Variants in MAGT1 observed in about 807,000 individuals in gnomAD.
The protein encoded by MAGT1 is dolichyl-diphosphooligosaccharide--protein glycosyltransferase subunit MAGT1.
A neutral mutation model predicts 28.4 loss-of-function variants in MAGT1; 4 were observed. The ratio of observed to expected loss-of-function variants is 0.14; its 90% confidence interval spans 0.07 to 0.32. The LOEUF is 0.32. MAGT1 is among the 10% of genes least tolerant of loss of function. The pLI is 1.00. For synonymous variants in MAGT1, 89 were observed against 89.7 expected (o/e 0.99, Z 0.04); for missense variants, 193 against 264.5 (o/e 0.73, Z 1.88).
intron 7 of MAGT1, among the ~76,000 whole-genome samples, chrX:77,841,622 C>T (rs1557214405): frequency 9.0e-6 from 1 of 110,601 alleles, no homozygotes; most frequent in African/African-American, 3.3e-5. Context: ...TTGAAATAAC[C>T]TGTCTGGACA....
intron 1 of MAGT1, among the ~76,000 whole-genome samples, chrX:77,878,419 G>C (rs2077042054): frequency 1.0e-5 from 1 of 97,978 alleles, no homozygotes; most frequent in Non-Finnish European, 2.0e-5. Flanking sequence ...GTTGCAGTGA[G>C]CTGAGATCAC....
intron 1 of MAGT1, among the ~76,000 whole-genome samples, chrX:77,878,289 C>CAAAAAAAAAAAAAAAA (rs1205547369): frequency 6.6e-5 from 1 of 15,072 alleles, no homozygotes; most frequent in Non-Finnish European, 1.1e-4. Flanking sequence ...AACTCTGATG[C>CAAAAAAAAAAAAAAAA]AAAAAAAAAA....
At chrX:77,879,835 C>CATT (rs1557218236) in intron 1 of MAGT1, among the ~76,000 whole-genome samples, 2 of 73,183 alleles carry the variant, frequency 2.7e-5, no homozygotes, top group Non-Finnish European at 4.9e-5. Flanking sequence ...CATGATTTGC[C>CATT]TTTTTTTTTT....
intron 1 of MAGT1, among the ~76,000 whole-genome samples, chrX:77,889,897 T>G (rs2077077728): frequency 8.9e-6 from 1 of 112,198 alleles, no homozygotes; most frequent in Non-Finnish European, 1.9e-5. Flanking sequence ...ATGTTTTTTG[T>G]TTTTTGTTTG....
chrX:77,865,232 T>C (rs1661441406), intron 3 of MAGT1, among the ~76,000 whole-genome samples: 3 of 112,093 alleles, frequency 2.7e-5, no homozygotes, highest in African/African-American at 6.5e-5. Flanking sequence ...TGCTTAGCAC[T>C]GATAGCTACA....
At chrX:77,859,364 A>C (rs782163678) in intron 3 of MAGT1, among the ~76,000 whole-genome samples, 1 of 112,289 alleles carries the variant, frequency 8.9e-6, no homozygotes, top group East Asian at 2.8e-4. Context: ...TTATTCATAT[A>C]TATGTTTATA....
chrX:77,859,686 G>A (rs1324597326), intron 3 of MAGT1, among the ~76,000 whole-genome samples: 2 of 111,568 alleles, frequency 1.8e-5, no homozygotes, highest in Admixed American at 1.9e-4. Flanking sequence ...GGCCAACATG[G>A]TAAAACCCCA....
chrX:77,895,319 C>G lies in MAGT1; in HGVS notation c.92G>C (p.Arg31Thr), dbSNP rs1557219805. ...VCDVPSASAQ[R>T]KKEMVLSEKV... is the part of the protein sequence containing the mutation. The stretch of plus-strand genomic sequence containing the variant: ...AAACCGCGTTCTCACCTCCTTCTTT[C>G]TTTGGGCAGAGGCTGAGGGAACGTC... The change falls in exon 1 of 10, where the codon AGA (arginine) becomes ACA (threonine). Residue 31 changes from arginine (R) to threonine (T), a missense_variant. Physicochemically the swap from Arg to Thr is moderately conservative, Grantham distance 71. Coordinates refer to ENST00000618282, the MANE Select transcript of MAGT1 (RefSeq NM_001367916.1). 3.3e-6 allele frequency: 4 copies of G among 1,212,268 alleles called. No homozygotes were observed. The highest frequency in any genetic ancestry group is 2.2e-5 in the Admixed American group (1 of 46,093).
chrX:77,846,499 G>A (rs1339698045), intron 7 of MAGT1, among the ~76,000 whole-genome samples: 2 of 112,100 alleles, frequency 1.8e-5, no homozygotes, highest in African/African-American at 6.5e-5. Context: ...TTTGGAGGAG[G>A]AGAGGCACTC....
chrX:77,853,757 T>C (rs1419476920), intron 7 of MAGT1, 144 bp downstream of exon 7: 2 of 526,798 alleles, frequency 3.8e-6, no homozygotes, highest in Admixed American at 5.7e-5. Context: ...TTTATTGGGC[T>C]GGAGAGGATG....
intron 7 of MAGT1, among the ~76,000 whole-genome samples, chrX:77,844,953 A>T (rs1480610595): frequency 9.0e-6 from 1 of 111,316 alleles, no homozygotes; most frequent in East Asian, 2.8e-4. Context: ...GTAGATGTCT[A>T]TTAGGTCCGC....
In MAGT1 at chrX:77,841,679, C is replaced by CA. The variant is rs2076935092; in HGVS notation, c.827-360_827-359insT. ...AAACACATTTAAAAATATTAAATGG[C>CA]TTTTTTTTTTTTTTGAGACAGGGTC... On this transcript the variant is annotated intron_variant, in intron 7 of 9. Transcript: ENST00000618282. Among the ~76,000 whole-genome samples the CA allele has an allele frequency of 4.1e-5, 4 of 98,269 alleles. No homozygotes were observed. The South Asian group carries it at 1.8e-3, about 45-fold the overall frequency. 85.3% of individuals were successfully genotyped at this position (98,269 alleles called of 115,157 possible).
At chrX:77,855,735 C>T (rs2076979819) in intron 5 of MAGT1, 145 bp from the exon 6 acceptor site, 1 of 427,315 alleles carries the variant, frequency 2.3e-6, no homozygotes, top group Admixed American at 4.2e-5. Flanking sequence ...ATATTTCATC[C>T]CAAGGATCAC....
At position 77,867,206 on chromosome X, in the gene MAGT1, G is replaced by A. The variant is rs782143175; in HGVS notation, c.390+3602C>T. 1.3e-4 allele frequency among the ~76,000 whole-genome samples: 9 copies of A among 66,879 alleles called. 1 individual carries two copies. Among genetic ancestry groups the A allele is most frequent in the African/African-American group, 2.4e-4 (7 of 28,839 alleles). The allele number at this position is 66,879 out of a possible 115,157, so 58.1% of individuals were successfully genotyped here. A position where few individuals can be genotyped will look rare whatever the true frequency, so the allele number is the denominator to read the frequency against. On this transcript the variant is annotated intron_variant, in intron 3 of 9. Coordinates refer to ENST00000618282, the MANE Select transcript of MAGT1 (RefSeq NM_001367916.1). ...CAGCAGCAAAGTGAACCCCTTGGGC[G>A]GTTACACAGTCTCCCTCCACAGCAA...
intron 2 of MAGT1, among the ~76,000 whole-genome samples, chrX:77,873,977 T>C (rs921598366): frequency 9.1e-6 from 1 of 109,333 alleles, no homozygotes; most frequent in Non-Finnish European, 1.9e-5. Context: ...TGAGATCCCA[T>C]GCATCTTTTT....
intron 7 of MAGT1, among the ~76,000 whole-genome samples, chrX:77,844,578 G>A (rs782699074): frequency 1.8e-5 from 2 of 110,714 alleles, no homozygotes; most frequent in East Asian, 5.6e-4. Context: ...TCTCTTGTGG[G>A]CATTTAGTGC....
intron 7 of MAGT1, among the ~76,000 whole-genome samples, chrX:77,852,353 T>C (rs2076970928): frequency 8.9e-6 from 1 of 112,310 alleles, no homozygotes. Context: ...TTTTCCCAAA[T>C]ATCCTTCAAT....
rs1306801308 is a variant in MAGT1, at chrX:77,825,787, C to T, written c.*3433G>A. Among the ~76,000 whole-genome samples the T allele has an allele frequency of 8.9e-6, 1 of 112,464 alleles. No individual in the cohort carries two copies. Among genetic ancestry groups the T allele is most frequent in the East Asian group, 2.8e-4 (1 of 3,617 alleles). On this transcript the variant is annotated 3_prime_UTR_variant, in exon 10 of 10. Transcript: ENST00000618282. ...ATCTTTAATATTTTGCATAATAGAACAATAGAGCAGGAAGGACTACTAAGG... is the reference window on the plus strand; with the variant it reads ...ATCTTTAATATTTTGCATAATAGAATAATAGAGCAGGAAGGACTACTAAGG...
intron 8 of MAGT1, among the ~76,000 whole-genome samples, chrX:77,835,591 T>C (rs1476082212): frequency 3.6e-5 from 4 of 111,590 alleles, no homozygotes; most frequent in Non-Finnish European, 7.5e-5. Flanking sequence ...TGCTTGGGTA[T>C]ACACCCACAG....
Sources: gnomAD v4.1 joint callset for allele counts (sites outside exome capture counted in the v4.1 genomes callset) on GRCh38, gnomAD v4.1.1 for gene constraint, MANE v1.5 for transcripts, NCBI Gene and HGNC (gene_info 2026-07-23, HGNC 2026-07-21) for gene names.